Variants in COPS4 observed in about 807,000 individuals in gnomAD.
COPS4 encodes the protein COP9 signalosome complex subunit 4.
A neutral mutation model predicts 55.1 loss-of-function variants in COPS4; 8 were observed. The ratio of observed to expected loss-of-function variants is 0.15; its 90% confidence interval spans 0.09 to 0.26. The LOEUF is 0.26. Ranked by LOEUF, COPS4 falls within the 10% of genes least tolerant of loss-of-function variation. The pLI, the probability that COPS4 is intolerant of heterozygous loss-of-function variation, is 1.00. For synonymous variants in COPS4, 185 were observed against 165.7 expected (o/e 1.12, Z -0.90); for missense variants, 248 against 484.0 (o/e 0.51, Z 4.58).
At chr4:83,049,818 ATTTAT>A in intron 3 of COPS4, 58 bp from the exon 4 acceptor site, 4 of 941,776 alleles carry the variant, frequency 4.2e-6, no homozygotes, top group South Asian at 2.0e-5. Context: ...TAACTTTCCT[ATTTAT>A]TTTAATTAGT....
chr4:83,055,413 G>A (rs1730989464), intron 4 of COPS4, among the ~76,000 whole-genome samples: 2 of 151,062 alleles, frequency 1.3e-5, no homozygotes, highest in South Asian at 2.1e-4. Flanking sequence ...GGAAAAATAC[G>A]TGGTGACTAG....
At chr4:83,051,550 G>C (rs1222398687) in intron 4 of COPS4, among the ~76,000 whole-genome samples, 1 of 152,180 alleles carries the variant, frequency 6.6e-6, no homozygotes, top group Non-Finnish European at 1.5e-5. Flanking sequence ...GTGCAAAAAA[G>C]AGTCAAGATA....
At chr4:83,041,925 C>T (rs949361970) in intron 1 of COPS4, among the ~76,000 whole-genome samples, 4 of 151,206 alleles carry the variant, frequency 2.6e-5, no homozygotes, top group Middle Eastern at 3.4e-3. Context: ...AGTGCAGCAG[C>T]GGGATCTCAG....
At chr4:83,059,241 A>G (rs995916485) in intron 6 of COPS4, among the ~76,000 whole-genome samples, 5 of 151,296 alleles carry the variant, frequency 3.3e-5, no homozygotes, top group African/African-American at 7.3e-5. Context: ...GCCATGCAGA[A>G]CCTTTTAGTG....
At chr4:83,067,901 AAATT>A (rs1731328016) in intron 8 of COPS4, among the ~76,000 whole-genome samples, 1 of 152,168 alleles carries the variant, frequency 6.6e-6, no homozygotes, top group Admixed American at 6.5e-5. Flanking sequence ...AAGATGGTCA[AAATT>A]AATAAATGAC....
chr4:83,063,628 C>T (rs1388554235), intron 7 of COPS4, among the ~76,000 whole-genome samples: 6 of 151,116 alleles, frequency 4.0e-5, no homozygotes, highest in African/African-American at 7.3e-5. Context: ...AGGATGGTTT[C>T]GATCTCCTGA....
chr4:83,060,599 C>T (rs1200592403), intron 6 of COPS4, among the ~76,000 whole-genome samples: 5 of 151,704 alleles, frequency 3.3e-5, no homozygotes, highest in Admixed American at 3.3e-4. Context: ...AGCCACCGTG[C>T]CCGGCCGACA....
chr4:83,063,512 A>G (rs1435552518), intron 7 of COPS4, among the ~76,000 whole-genome samples: 9 of 150,638 alleles, frequency 6.0e-5, no homozygotes, highest in Non-Finnish European at 1.3e-4. Context: ...GCTTCATACC[A>G]TTCTCCTGCC....
chr4:83,058,592 G>A (rs1731074068), intron 6 of COPS4, among the ~76,000 whole-genome samples: 1 of 152,048 alleles, frequency 6.6e-6, no homozygotes, highest in Non-Finnish European at 1.5e-5. Context: ...CATGAACATG[G>A]TACTGCTTCT....
chr4:83,069,030 G>T (rs985773604), intron 9 of COPS4, among the ~76,000 whole-genome samples: 3 of 151,722 alleles, frequency 2.0e-5, no homozygotes, highest in African/African-American at 7.3e-5. Context: ...CTATGTTAAG[G>T]AAAAATTTGA....
At chr4:83,044,727 A>T (rs1415746358) in intron 1 of COPS4, among the ~76,000 whole-genome samples, 1 of 152,122 alleles carries the variant, frequency 6.6e-6, no homozygotes, top group African/African-American at 2.4e-5. Flanking sequence ...GTGAGCCAAG[A>T]TTGCGCCACT....
At chr4:83,047,518 C>T (rs1015328662) in intron 2 of COPS4, among the ~76,000 whole-genome samples, 1 of 151,778 alleles carries the variant, frequency 6.6e-6, no homozygotes, top group Non-Finnish European at 1.5e-5. Flanking sequence ...TGCATCACTG[C>T]GCTCCAGCCT....
At chr4:83,036,743 A>G (rs1730428328) in intron 1 of COPS4, among the ~76,000 whole-genome samples, 1 of 137,100 alleles carries the variant, frequency 7.3e-6, no homozygotes, top group Admixed American at 7.9e-5. Flanking sequence ...ATATGTCTTC[A>G]TGGCTCAATC....
chr4:83,057,128 C>A, intron 5 of COPS4, 49 bp downstream of exon 5: 1 of 1,553,120 alleles, frequency 6.4e-7, no homozygotes, highest in Non-Finnish European at 8.8e-7. Flanking sequence ...AGAATTGTAA[C>A]ATACTAAGAT....
chr4:83,068,890 A>G (rs1178951022), intron 9 of COPS4, among the ~76,000 whole-genome samples: 1 of 152,016 alleles, frequency 6.6e-6, no homozygotes, highest in African/African-American at 2.4e-5. Flanking sequence ...GAATCACTTA[A>G]ACCTAGGAGG....
chr4:83,062,969 C>A, intron 6 of COPS4, 107 bp from the exon 7 acceptor site: 1 of 885,896 alleles, frequency 1.1e-6, no homozygotes, highest in South Asian at 1.9e-5. Context: ...TGAATACTGG[C>A]TGTATATTTA....
At chr4:83,071,652 CAA>C (rs1446873118) in intron 9 of COPS4, among the ~76,000 whole-genome samples, 2 of 151,900 alleles carry the variant, frequency 1.3e-5, no homozygotes, top group Non-Finnish European at 2.9e-5. Flanking sequence ...CTCCTGGCCT[CAA>C]GTGATCCTCC....
intron 7 of COPS4, 116 bp from the exon 8 acceptor site, chr4:83,066,322 C>T (rs1022340918): frequency 7.8e-5 from 40 of 513,218 alleles, no homozygotes; most frequent in Admixed American, 6.4e-4. Flanking sequence ...AAATTTTGAT[C>T]AGAGGAGTTA....
chr4:83,062,949 C>A (rs1202527058), intron 6 of COPS4, 127 bp from the exon 7 acceptor site: 1 of 750,930 alleles, frequency 1.3e-6, no homozygotes, highest in Non-Finnish European at 2.1e-6. Context: ...ACCATAATTA[C>A]CATGAATAAT....
Sources: gnomAD v4.1 joint callset for allele counts (sites outside exome capture counted in the v4.1 genomes callset) on GRCh38, gnomAD v4.1.1 for gene constraint, MANE v1.5 for transcripts, NCBI Gene and HGNC (gene_info 2026-07-23, HGNC 2026-07-21) for gene names.